Variants in CSMD1 observed in about 807,000 individuals in gnomAD.
CSMD1 encodes CUB and sushi domain-containing protein 1.
In CSMD1, 213 loss-of-function variants were observed where a neutral mutation model predicts 417.5. The observed-to-expected ratio is 0.51, with a 90% CI of 0.46 to 0.57. CSMD1 has a LOEUF of 0.57. Ranked by LOEUF, CSMD1 falls within the 20% of genes least tolerant of loss-of-function variation. The probability of loss-of-function intolerance (pLI) is 0.00; values close to 1 mark genes in which losing one functional copy is unlikely to be tolerated. For synonymous variants in CSMD1, 2,862 were observed against 1,736.8 expected, an observed-to-expected ratio of 1.65 and a Z score of -16.11; for missense variants, 6,923 against 4,529.7, an observed-to-expected ratio of 1.53 and a Z score of -15.17.
rs145104369 is a variant in CSMD1 at position 4,449,423 on chromosome 8, G to T, written c.303-29358C>A. The stretch of plus-strand genomic sequence containing the variant: ...TGGCTATGTTTAGAATAGCCGTGTA[G>T]AAGTTCATATTTTTCCCCAATTTTT... On this transcript the variant is annotated intron_variant, in intron 2 of 69. Coordinates refer to ENST00000635120, the MANE Select transcript of CSMD1 (RefSeq NM_033225.6). Among the ~76,000 whole-genome samples the T allele has an allele frequency of 1.4e-4, 21 of 152,220 alleles. No individual in the cohort carries two copies. The East Asian group carries it at 4.1e-3, about 30-fold the overall frequency.
chr8:3,638,082 A>G (rs571605220), intron 7 of CSMD1, among the ~76,000 whole-genome samples: 8 of 152,120 alleles, frequency 5.3e-5, no homozygotes, highest in Non-Finnish European at 1.0e-4. Context: ...AACCACACAC[A>G]GCTATCAAAT....
chr8:4,397,758 T>C (rs995904382), intron 3 of CSMD1, among the ~76,000 whole-genome samples: 3 of 152,082 alleles, frequency 2.0e-5, no homozygotes, highest in African/African-American at 7.2e-5. Context: ...AACAAAGACA[T>C]GAAGGGAAAA....
rs74883604 is a variant in CSMD1 at position 4,957,330 on chromosome 8, C to T, written c.85+37002G>A. Among the ~76,000 whole-genome samples the T allele has an allele frequency of 1.1e-3, 160 of 152,220 alleles. 3 individuals are homozygous for T. In the East Asian group the frequency reaches 0.014, roughly 13 times the overall value. On this transcript the variant is annotated intron_variant, in intron 1 of 69. Transcript: ENST00000635120. ...ATATTTTTTTAAACAAGGAAAGATG[C>T]GTTGGCAGAGAAGAGCACATTTGGC...
chr8:4,983,528 T>C (rs889585433), intron 1 of CSMD1, among the ~76,000 whole-genome samples: 10 of 152,088 alleles, frequency 6.6e-5, no homozygotes, highest in African/African-American at 2.4e-4. Context: ...AGAATAACAC[T>C]TTTTGTTTTT....
intron 6 of CSMD1, among the ~76,000 whole-genome samples, chr8:3,751,721 A>G (rs987093343): frequency 1.3e-5 from 2 of 152,048 alleles, no homozygotes; most frequent in Non-Finnish European, 2.9e-5. Context: ...TATATCTACC[A>G]TCTTGGAGCA....
chr8:3,446,850 G>A (rs1458257303), intron 12 of CSMD1, among the ~76,000 whole-genome samples: 5 of 152,170 alleles, frequency 3.3e-5, no homozygotes, highest in Admixed American at 6.5e-5. Flanking sequence ...CTTCTAGCTG[G>A]TTTCATTAGC....
chr8:4,978,441 GC>G (rs1369489845), intron 1 of CSMD1, among the ~76,000 whole-genome samples: 1 of 152,076 alleles, frequency 6.6e-6, no homozygotes, highest in Admixed American at 6.6e-5. Flanking sequence ...AAAGAATTGG[GC>G]CCTACTTATG....
intron 2 of CSMD1, among the ~76,000 whole-genome samples, chr8:4,633,210 C>T (rs1802629193): frequency 1.3e-5 from 2 of 151,746 alleles, no homozygotes; most frequent in South Asian, 4.2e-4. Context: ...CAAAAACAGG[C>T]TGTGGTTAAT....
chr8:3,699,555 T>C (rs997438414), intron 7 of CSMD1, among the ~76,000 whole-genome samples: 3 of 152,238 alleles, frequency 2.0e-5, no homozygotes, highest in Admixed American at 6.5e-5. Context: ...TGGATTTCTA[T>C]ATTTTATGGG....
intron 4 of CSMD1, among the ~76,000 whole-genome samples, chr8:4,011,787 T>C (rs1670965596): frequency 6.6e-6 from 1 of 152,184 alleles, no homozygotes; most frequent in African/African-American, 2.4e-5. Flanking sequence ...TAGTATAATA[T>C]TAAAACCAAA....
At chr8:3,272,641 C>A (rs368799125) in intron 26 of CSMD1, among the ~76,000 whole-genome samples, 1 of 137,984 alleles carries the variant, frequency 7.2e-6, no homozygotes, top group Non-Finnish European at 1.6e-5. Flanking sequence ...TGAAGAGGTC[C>A]TTCACATCCC....
At chr8:4,289,077 A>T (rs1431870331) in intron 3 of CSMD1, among the ~76,000 whole-genome samples, 1 of 152,178 alleles carries the variant, frequency 6.6e-6, no homozygotes, top group Non-Finnish European at 1.5e-5. Flanking sequence ...GATGAAAATA[A>T]AATTATATTT....
chr8:4,709,817 A>C (rs144674602), intron 1 of CSMD1, among the ~76,000 whole-genome samples: 2 of 152,288 alleles, frequency 1.3e-5, no homozygotes, highest in Non-Finnish European at 2.9e-5. Context: ...AAAAGAGCAC[A>C]GTGTCCAGTC....
At chr8:3,792,207 C>A (rs888321672) in intron 5 of CSMD1, among the ~76,000 whole-genome samples, 1 of 151,992 alleles carries the variant, frequency 6.6e-6, no homozygotes, top group Non-Finnish European at 1.5e-5. Context: ...GATGGGAGAT[C>A]GCTCAAGCCC....
chr8:4,781,231 C>T (rs1054361945), intron 1 of CSMD1, among the ~76,000 whole-genome samples: 2 of 152,196 alleles, frequency 1.3e-5, no homozygotes, highest in Non-Finnish European at 2.9e-5. Context: ...TGTGGTGAGG[C>T]ACAATGGCTA....
chr8:3,825,420 T>C (rs1354280953), intron 5 of CSMD1, among the ~76,000 whole-genome samples: 2 of 152,058 alleles, frequency 1.3e-5, no homozygotes, highest in Non-Finnish European at 2.9e-5. Context: ...TCCCAGGTAC[T>C]TGGGAGGCTG....
chr8:4,328,445 G>A (rs767195988), intron 3 of CSMD1, among the ~76,000 whole-genome samples: 24 of 151,306 alleles, frequency 1.6e-4, no homozygotes, highest in Non-Finnish European at 1.5e-5. Flanking sequence ...ACAAATTTCG[G>A]TTGTCACACA....
At chr8:4,958,343 AG>A (rs1489423429) in intron 1 of CSMD1, among the ~76,000 whole-genome samples, 5 of 152,198 alleles carry the variant, frequency 3.3e-5, no homozygotes, top group African/African-American at 9.7e-5. Context: ...ATCAAGTTAA[AG>A]GTGAACATGG....
intron 7 of CSMD1, among the ~76,000 whole-genome samples, chr8:3,647,321 G>A (rs996485730): frequency 6.6e-6 from 1 of 152,162 alleles, no homozygotes; most frequent in Non-Finnish European, 1.5e-5. Context: ...TGTATCCTTG[G>A]CCAGGAGAGA....
Sources: gnomAD v4.1 joint callset for allele counts (sites outside exome capture counted in the v4.1 genomes callset) on GRCh38, gnomAD v4.1.1 for gene constraint, MANE v1.5 for transcripts, NCBI Gene and HGNC (gene_info 2026-07-23, HGNC 2026-07-21) for gene names.